The following MICAL2 variants were observed in gnomAD, a reference collection of about 807,000 sequenced individuals.
MICAL2 encodes [F-actin]-monooxygenase MICAL2.
A neutral mutation model predicts 127.3 loss-of-function variants in MICAL2; 77 were observed. The ratio of observed to expected loss-of-function variants is 0.60; its 90% CI spans 0.50 to 0.73. The LOEUF (loss-of-function observed/expected upper bound fraction) is 0.73. Among genes scored for constraint, MICAL2 ranks in the 30% least tolerant of loss-of-function variants. The pLI is 0.00. For missense variants in MICAL2, 1,351 were observed against 1,434.4 expected (o/e 0.94, Z 0.94); for synonymous variants, 570 against 551.1 (o/e 1.03, Z -0.48).
intron 8 of MICAL2, among the ~76,000 whole-genome samples, chr11:12,218,487 T>G (rs1388655549): frequency 6.6e-6 from 1 of 152,204 alleles, no homozygotes; most frequent in African/African-American, 2.4e-5. Flanking sequence ...CGCCAGGCAC[T>G]GTCTTCACTG....
At chr11:12,213,908 G>A (rs531770664) in intron 7 of MICAL2, among the ~76,000 whole-genome samples, 47 of 152,276 alleles carry the variant, frequency 3.1e-4, no homozygotes, top group African/African-American at 1.1e-3. Context: ...ATCTGGATAC[G>A]CCCAGGAACA....
At position 12,212,754 on chromosome 11, in the gene MICAL2, TG is replaced by T. The variant is rs1855650109; in HGVS notation, c.692-500del. ...TTCAACACATGAATTTGTGTGTGTG[TG>T]TGTTGGAGAGGCACATAATACAACC... On this transcript the variant is annotated intron_variant, in intron 6 of 27. Coordinates refer to ENST00000683283, the MANE Select transcript of MICAL2 (RefSeq NM_001282663.2). 2.4e-4 allele frequency among the ~76,000 whole-genome samples: 37 copies of T among 152,228 alleles called. 1 individual carries two copies. In the South Asian group the frequency reaches 7.5e-3, roughly 31 times the overall value.
intron 1 of MICAL2, among the ~76,000 whole-genome samples, chr11:12,118,934 T>C (rs1177286454): frequency 6.6e-6 from 1 of 152,068 alleles, no homozygotes; most frequent in Non-Finnish European, 1.5e-5. Context: ...TGGTATGGAG[T>C]CCTCTGGATG....
At chr11:12,283,002 C>T (rs528193532) in intron 2 of MICAL2, among the ~76,000 whole-genome samples, 91 of 152,266 alleles carry the variant, frequency 6.0e-4, no homozygotes, top group African/African-American at 1.9e-3. Flanking sequence ...TCCAGTTTAA[C>T]GCCAGAATAA....
At chr11:12,301,117 C>A (rs1864041614) in intron 29 of MICAL2, among the ~76,000 whole-genome samples, 1 of 152,158 alleles carries the variant, frequency 6.6e-6, no homozygotes, top group Non-Finnish European at 1.5e-5. Context: ...GAGTAAACCC[C>A]TAATAAAACC....
chr11:12,186,951 G>A (rs1436816971), intron 3 of MICAL2, among the ~76,000 whole-genome samples: 1 of 152,212 alleles, frequency 6.6e-6, no homozygotes, highest in Non-Finnish European at 1.5e-5. Flanking sequence ...TTCTCAAGGT[G>A]ATCTGCCTGT....
Position 12,259,877 on chromosome 11 carries a change from C to T in MICAL2, c.3314C>T (p.Thr1105Ile). 1 of 1,612,312 alleles carries T rather than the reference C, an allele frequency of 6.2e-7. No homozygotes were observed. Residue 1105 changes from threonine (T) to isoleucine (I), a missense_variant, in exon 26 of 28, where the codon ACC becomes ATC. Around this residue, in one of 2 missense-constraint regions of MICAL2, gnomAD observed 752 missense variants for 719.4 expected, o/e 1.05. Transcript: ENST00000683283. ...ESSCAVAAIG[T>I]LEGSPPVHFS... ...TCTTGCGCAGTGGCCGCCATTGGCACCCTGGAAGGCAGCCCCCCAGGTATC... is the reference window on the plus strand; with the variant it reads ...TCTTGCGCAGTGGCCGCCATTGGCATCCTGGAAGGCAGCCCCCCAGGTATC...
At chr11:12,346,307 C>A (rs1176873235) in intron 32 of MICAL2, among the ~76,000 whole-genome samples, 2 of 152,188 alleles carry the variant, frequency 1.3e-5, no homozygotes, top group Non-Finnish European at 2.9e-5. Context: ...TGAGCTTATA[C>A]TGTGTGCCAG....
At chr11:12,162,029 C>G (rs1854867751) in intron 2 of MICAL2, 50 bp from the exon 3 acceptor site, 1 of 1,341,126 alleles carries the variant, frequency 7.5e-7, no homozygotes, top group East Asian at 2.4e-5. Context: ...CCATCCCCCA[C>G]CCTAACCTCA....
At chr11:12,186,563 T>C (rs7936435) in intron 3 of MICAL2, among the ~76,000 whole-genome samples, 39,791 of 152,016 alleles carry the variant, frequency 0.26, 6,316 homozygotes, top group African/African-American at 0.44. Flanking sequence ...TTTTTAAAGA[T>C]GCATGGTCTC....
chr11:12,242,454 C>G (rs759566492), intron 19 of MICAL2, 22 bp downstream of exon 19: 1 of 1,580,676 alleles, frequency 6.3e-7, no homozygotes, highest in South Asian at 1.2e-5. Context: ...ACTTTTTGCC[C>G]GTCTCTGTCC....
At chr11:12,158,334 T>C (rs940314646) in intron 2 of MICAL2, among the ~76,000 whole-genome samples, 2 of 152,188 alleles carry the variant, frequency 1.3e-5, no homozygotes, top group Admixed American at 6.5e-5. Flanking sequence ...CCCTTCCTTT[T>C]GATATGATGA....
chr11:12,329,833 T>C (rs2134857354), intron 32 of MICAL2, among the ~76,000 whole-genome samples: 1 of 147,812 alleles, frequency 6.8e-6, no homozygotes, highest in Admixed American at 6.8e-5. Context: ...GTAAAGCATC[T>C]TCTGAAAATC....
At chr11:12,358,186 A>G (rs1336474002) in intron 34 of MICAL2, 9 of 1,095,964 alleles carry the variant, frequency 8.2e-6, no homozygotes, top group Non-Finnish European at 1.2e-5. Flanking sequence ...TGTTTTCTCC[A>G]TTAAAATTAA....
chr11:12,260,490 A>C, intron 26 of MICAL2: 1 of 1,084,466 alleles, frequency 9.2e-7, no homozygotes, highest in Non-Finnish European at 1.1e-6. Flanking sequence ...TTTTCTAAAC[A>C]TGGGTTTGAA....
intron 15 of MICAL2, among the ~76,000 whole-genome samples, chr11:12,230,720 C>G (rs527840437): frequency 2.0e-5 from 3 of 151,776 alleles, no homozygotes; most frequent in African/African-American, 7.3e-5. Flanking sequence ...TCTTTCCCCC[C>G]CCATCTTATT....
chr11:12,204,673 T>C (rs1018318649), intron 4 of MICAL2, among the ~76,000 whole-genome samples: 1 of 152,206 alleles, frequency 6.6e-6, no homozygotes, highest in African/African-American at 2.4e-5. Context: ...AGGTCAGGGA[T>C]TGCAGCATGC....
chr11:12,359,562 T>C (rs1939179322), downstream of MICAL2, among the ~76,000 whole-genome samples: 1 of 152,164 alleles, frequency 6.6e-6, no homozygotes. Flanking sequence ...GCAGTGACCC[T>C]ATTTACCAAA....
chr11:12,292,919 C>T (rs1863924104), downstream of MICAL2, among the ~76,000 whole-genome samples: 1 of 152,170 alleles, frequency 6.6e-6, no homozygotes, highest in African/African-American at 2.4e-5. Context: ...AGAGTCCACT[C>T]ATGTTCCCTC....
Sources: gnomAD v4.1 joint callset for allele counts (sites outside exome capture counted in the v4.1 genomes callset) on GRCh38, gnomAD v4.1.1 for gene constraint, gnomAD v4.1.1 regional missense constraint, MANE v1.5 for transcripts, NCBI Gene and HGNC (gene_info 2026-07-23, HGNC 2026-07-21) for gene names.